Variants in STK39 observed in about 807,000 individuals in gnomAD.
STK39 encodes serine/threonine kinase 39.
Under a neutral mutation model 77.8 loss-of-function variants are expected in STK39, and 20 were observed. The observed-to-expected ratio is 0.26, with a 90% CI of 0.18 to 0.37. The LOEUF is 0.37. Among genes scored for constraint, STK39 ranks in the 10% least tolerant of loss-of-function variants. The probability of loss-of-function intolerance (pLI) is 1.00; values close to 1 mark genes in which losing one functional copy is unlikely to be tolerated. For missense variants in STK39, 479 were observed against 656.5 expected (o/e 0.73, Z 2.95); for synonymous variants, 246 against 234.1 (o/e 1.05, Z -0.47).
intron 14 of STK39, among the ~76,000 whole-genome samples, chr2:168,037,596 C>T (rs183187179): frequency 9.2e-5 from 14 of 152,196 alleles, no homozygotes; most frequent in East Asian, 3.9e-4. Context: ...AAAATAACCA[C>T]AAGATGCAAT....
intron 1 of STK39, among the ~76,000 whole-genome samples, chr2:168,228,970 C>T (rs1000216027): frequency 6.6e-6 from 1 of 152,092 alleles, no homozygotes; most frequent in African/African-American, 2.4e-5. Flanking sequence ...GGTCACTTAG[C>T]CTTTAAATCT....
intron 16 of STK39, among the ~76,000 whole-genome samples, chr2:167,999,405 T>C (rs1352333117): frequency 6.6e-6 from 1 of 152,186 alleles, no homozygotes; most frequent in African/African-American, 2.4e-5. Context: ...AAGGACCCTG[T>C]TTTGTTAATC....
At chr2:167,963,537 A>C (rs79300498) in intron 17 of STK39, among the ~76,000 whole-genome samples, 3 of 137,296 alleles carry the variant, frequency 2.2e-5, no homozygotes, top group South Asian at 2.6e-4. Flanking sequence ...AAAAAAAAAA[A>C]CACACACATT....
At chr2:168,042,631 A>AT (rs1685137648) in intron 14 of STK39, among the ~76,000 whole-genome samples, 1 of 140,608 alleles carries the variant, frequency 7.1e-6, no homozygotes, top group Non-Finnish European at 1.5e-5. Context: ...CCCAGGCTAG[A>AT]TTGCAGTGGC....
At chr2:167,992,124 G>A (rs1411358190) in intron 16 of STK39, among the ~76,000 whole-genome samples, 1 of 152,128 alleles carries the variant, frequency 6.6e-6, no homozygotes, top group East Asian at 1.9e-4. Flanking sequence ...AGTCTTCAGG[G>A]GCCTGGGAGA....
At chr2:168,166,822 T>A (rs1688704650) in intron 3 of STK39, among the ~76,000 whole-genome samples, 1 of 152,184 alleles carries the variant, frequency 6.6e-6, no homozygotes, top group Admixed American at 6.5e-5. Context: ...GGCACTGAGA[T>A]AATTCAGCAA....
At chr2:168,104,699 G>A (rs1030211681) in intron 10 of STK39, among the ~76,000 whole-genome samples, 9 of 152,194 alleles carry the variant, frequency 5.9e-5, no homozygotes, top group Non-Finnish European at 1.2e-4. Context: ...TGATTGGTGA[G>A]TAGTAAGAGA....
intron 14 of STK39, among the ~76,000 whole-genome samples, chr2:168,037,603 C>A (rs933413759): frequency 1.3e-5 from 2 of 152,056 alleles, no homozygotes; most frequent in Non-Finnish European, 1.5e-5. Context: ...CCACAAGATG[C>A]AATCCTAAGT....
chr2:167,960,652 C>T (rs1268014577), intron 17 of STK39, among the ~76,000 whole-genome samples: 5 of 152,116 alleles, frequency 3.3e-5, no homozygotes, highest in Admixed American at 2.6e-4. Context: ...GCCATGACAG[C>T]AGGTGTGGCC....
chr2:168,128,109 C>T lies in STK39; in HGVS notation c.1089+1432G>A, dbSNP rs565551964. ...GGCCAAAGCTGCAGAGAGAAAGCAG[C>T]CTAGAAAACACCTCTCAGGGACCAG... On this transcript the variant is annotated intron_variant, in intron 10 of 17. Transcript: ENST00000355999. Among the ~76,000 whole-genome samples, 150 of 152,156 alleles carry T rather than the reference C, an allele frequency of 9.9e-4. 1 individual carries two copies. The highest frequency in any genetic ancestry group is 2.3e-3 in the South Asian group (11 of 4,816).
chr2:168,113,101 T>C (rs529329787), intron 10 of STK39: 8 of 152,326 alleles, frequency 5.3e-5, no homozygotes, highest in South Asian at 2.1e-4. Context: ...CTCTTCTCCA[T>C]TGTCTAAATA....
At chr2:168,149,552 G>C (rs1688227225) in intron 5 of STK39, among the ~76,000 whole-genome samples, 1 of 152,196 alleles carries the variant, frequency 6.6e-6, no homozygotes, top group African/African-American at 2.4e-5. Context: ...TCTGTTATTT[G>C]TACCCAAAGC....
intron 5 of STK39, among the ~76,000 whole-genome samples, chr2:168,153,399 C>T (rs1688340223): frequency 6.6e-6 from 1 of 152,160 alleles, no homozygotes; most frequent in African/African-American, 2.4e-5. Flanking sequence ...TAGTAGTTCT[C>T]AGACTTCAGC....
chr2:168,223,525 A>AAG (rs1553544558), intron 1 of STK39, among the ~76,000 whole-genome samples: 1 of 151,378 alleles, frequency 6.6e-6, no homozygotes, highest in Non-Finnish European at 1.5e-5. Flanking sequence ...AAAAAAAAAA[A>AAG]AAAAGAAAAG....
chr2:168,239,319 C>T (rs5007396), intron 1 of STK39, among the ~76,000 whole-genome samples: 52,439 of 152,072 alleles, frequency 0.34, 9,634 homozygotes, highest in Non-Finnish European at 0.43. Flanking sequence ...TGTGGGACTT[C>T]CCCACTCCAC....
chr2:168,242,062 T>TA (rs1690772172), intron 1 of STK39, among the ~76,000 whole-genome samples: 1 of 152,120 alleles, frequency 6.6e-6, no homozygotes, highest in Non-Finnish European at 1.5e-5. Context: ...ATAATATCAC[T>TA]AGTTAAAAAT....
intron 5 of STK39, among the ~76,000 whole-genome samples, chr2:168,148,641 A>G (rs1002126792): frequency 6.6e-6 from 1 of 152,204 alleles, no homozygotes; most frequent in African/African-American, 2.4e-5. Flanking sequence ...CACTTTGCAC[A>G]TAGGAGTAGT....
intron 16 of STK39, among the ~76,000 whole-genome samples, chr2:167,975,909 A>C (rs910539109): frequency 6.6e-6 from 1 of 152,234 alleles, no homozygotes; most frequent in Admixed American, 6.5e-5. Context: ...GCCTCAAGGC[A>C]GGACAACGCT....
intron 14 of STK39, among the ~76,000 whole-genome samples, chr2:168,021,726 C>A (rs147392039): frequency 1.8e-4 from 28 of 151,864 alleles, no homozygotes; most frequent in African/African-American, 6.5e-4. Flanking sequence ...TGGTAAGGTA[C>A]AGCCTCTTAT....
Sources: allele counts gnomAD v4.1 joint callset (sites outside exome capture counted in the v4.1 genomes callset), GRCh38; gene constraint gnomAD v4.1.1; transcripts MANE v1.5; gene names NCBI Gene and HGNC (gene_info 2026-07-23, HGNC 2026-07-21).